MYO7B: variants seen among roughly 807,000 people sequenced by gnomAD.
The protein encoded by MYO7B is myosin VIIB.
A neutral mutation model predicts 259.7 loss-of-function variants in MYO7B; 212 were observed. The ratio of observed to expected loss-of-function variants is 0.82; its 90% CI spans 0.73 to 0.91. The LOEUF is 0.91. Among genes scored for constraint, MYO7B ranks in the 40% least tolerant of loss-of-function variants. The pLI is 0.00. For synonymous variants in MYO7B, 1,197 were observed against 1,166.4 expected (o/e 1.03, Z -0.54); for missense variants, 2,732 against 2,813.5 (o/e 0.97, Z 0.66).
intron 7 of MYO7B, among the ~76,000 whole-genome samples, chr2:127,575,534 A>G (rs934411205): frequency 6.6e-6 from 1 of 152,218 alleles, no homozygotes; most frequent in African/African-American, 2.4e-5. Flanking sequence ...GTGAAAAAAA[A>G]GGAAGTAGCA....
intron 37 of MYO7B, 70 bp from the exon 38 acceptor site, chr2:127,631,530 G>C: frequency 6.4e-7 from 1 of 1,565,948 alleles, no homozygotes; most frequent in Non-Finnish European, 8.7e-7. Context: ...GCCGGGGTCG[G>C]GGTCAGCGTC....
At chr2:127,544,175 T>G (rs1573603336) in intron 1 of MYO7B, among the ~76,000 whole-genome samples, 2 of 151,638 alleles carry the variant, frequency 1.3e-5, no homozygotes, top group South Asian at 4.2e-4. Context: ...CTCCCAGACT[T>G]AAGTGATCCT....
At chr2:127,572,955 G>T (rs1205027629) in intron 6 of MYO7B, among the ~76,000 whole-genome samples, 1 of 150,812 alleles carries the variant, frequency 6.6e-6, no homozygotes, top group Non-Finnish European at 1.5e-5. Context: ...AAAACTGCCT[G>T]CATCAGATTC....
intron 43 of MYO7B, 194 bp from the exon 44 acceptor site, chr2:127,635,528 C>T (rs1440452318): frequency 3.0e-6 from 2 of 674,814 alleles, no homozygotes; most frequent in East Asian, 2.7e-5. Context: ...AGCAGGCCAT[C>T]ACCTCCACGC....
At chr2:127,608,471 A>T (rs1019505149) in intron 21 of MYO7B, among the ~76,000 whole-genome samples, 6 of 152,176 alleles carry the variant, frequency 3.9e-5, no homozygotes, top group Non-Finnish European at 7.4e-5. Context: ...CAAGCCAGCA[A>T]CCTCACCTCT....
intron 19 of MYO7B, 106 bp from the exon 20 acceptor site, chr2:127,605,738 C>T (rs1680136664): frequency 1.1e-6 from 1 of 924,976 alleles, no homozygotes; most frequent in Admixed American, 2.3e-5. Flanking sequence ...ATTCATTTTT[C>T]CCAATATTTC....
In MYO7B at chr2:127,631,698, C is replaced by T; in HGVS notation, c.5194C>T (p.Leu1732Phe). The change falls in exon 38 of 48, where the codon CTC becomes TTC. Residue 1732 changes from leucine (L) to phenylalanine (F), a missense_variant. By Grantham distance (22) the Leu-to-Phe change is conservative (BLOSUM62 0). Around this residue, in one of 3 missense-constraint regions of MYO7B, gnomAD observed 821 missense variants for 769.3 expected, o/e 1.07. Transcript: ENST00000409816. ...CACACTGGCCCTGCAGCACCCGGCC[C>T]TCCAGGACGAGGTCTACTGCCAGAT... ...IFTLALQHPA[L>F]QDEVYCQILK... The T allele has an allele frequency of 6.2e-7, 1 of 1,613,060 alleles. No homozygotes were observed. The highest frequency in any genetic ancestry group is 8.5e-7 in the Non-Finnish European group (1 of 1,179,870).
At chr2:127,537,320 C>T (rs947454357) in intron 1 of MYO7B, among the ~76,000 whole-genome samples, 1 of 152,182 alleles carries the variant, frequency 6.6e-6, no homozygotes, top group Non-Finnish European at 1.5e-5. Flanking sequence ...AGATAACCTT[C>T]GTTTGGGCCT....
chr2:127,578,296 G>C lies in MYO7B; in HGVS notation c.1003+10G>C. The stretch of plus-strand genomic sequence containing the variant: ...AATGTGGGGTTCATGGGTAATGCCG[G>C]TTCTGCCCCAACTGCACCCTTGGGG... On this transcript the variant is annotated intron_variant, in intron 9 of 47. Coordinates refer to ENST00000409816, the MANE Select transcript of MYO7B (RefSeq NM_001393586.1). 6.2e-7 allele frequency: 1 copy of C among 1,613,476 alleles called. No individual in the cohort carries two copies. Among genetic ancestry groups the C allele is most frequent in the African/African-American group, 1.3e-5 (1 of 75,006 alleles).
chr2:127,574,873 G>A (rs1338114523), intron 7 of MYO7B, among the ~76,000 whole-genome samples: 2 of 152,182 alleles, frequency 1.3e-5, no homozygotes, highest in African/African-American at 4.8e-5. Context: ...TTTGCACTGG[G>A]CGATCATGTA....
chr2:127,591,445 G>A (rs891069668), intron 16 of MYO7B, among the ~76,000 whole-genome samples: 1 of 152,188 alleles, frequency 6.6e-6, no homozygotes, highest in Admixed American at 6.5e-5. Context: ...GCTGCTCAGG[G>A]TTCAAACCCA....
At chr2:127,605,767 C>T in intron 19 of MYO7B, 77 bp from the exon 20 acceptor site, 1 of 1,321,692 alleles carries the variant, frequency 7.6e-7, no homozygotes, top group Non-Finnish European at 1.1e-6. Flanking sequence ...TGTTCCCTTC[C>T]AAACCAGTTT....
chr2:127,536,943 G>C (rs1692804191), intron 1 of MYO7B, among the ~76,000 whole-genome samples: 2 of 152,160 alleles, frequency 1.3e-5, no homozygotes, highest in African/African-American at 4.8e-5. Context: ...TCTAGCACGG[G>C]GCTCTGTGGA....
intron 5 of MYO7B, 118 bp from the exon 6 acceptor site, chr2:127,569,671 A>C: frequency 7.6e-7 from 1 of 1,312,754 alleles, no homozygotes; most frequent in South Asian, 1.6e-5. Flanking sequence ...TCTGCAGGGG[A>C]GAGGCCATCC....
rs1315947062 is a variant in MYO7B at position 127,592,869 on chromosome 2, G to T, written c.2068G>T (p.Gly690Cys). The change falls in exon 17 of 48, where the codon GGC (glycine) becomes TGC (cysteine). Residue 690 changes from glycine (G) to cysteine (C), a missense_variant. Physicochemically the swap from Gly to Cys is radical, Grantham distance 159. Coordinates refer to ENST00000409816, the MANE Select transcript of MYO7B (RefSeq NM_001393586.1). ...MMETVHIRKS[G>C]FPIRYTFEEF... Reference sequence around the variant, plus strand: ...GGAGACCGTGCACATCCGCAAGTCGGGCTTCCCCATCCGCTACACGTTCGA... The same window carrying T: ...GGAGACCGTGCACATCCGCAAGTCGTGCTTCCCCATCCGCTACACGTTCGA... 1.2e-6 allele frequency: 2 copies of T among 1,610,316 alleles called. No individual in the cohort carries two copies. Among genetic ancestry groups the T allele is most frequent in the East Asian group, 4.5e-5 (2 of 44,776 alleles).
chr2:127,635,053 T>G (rs986497478), intron 42 of MYO7B, 67 bp from the exon 43 acceptor site: 9 of 1,282,964 alleles, frequency 7.0e-6, no homozygotes, highest in East Asian at 2.5e-5. Flanking sequence ...GTGTGGGGGG[T>G]GGCAGGGGGT....
At chr2:127,619,044 CGCTGGTTGGATTGTGGGG>C (rs1680705786) in intron 26 of MYO7B, among the ~76,000 whole-genome samples, 1 of 27,702 alleles carries the variant, frequency 3.6e-5, no homozygotes, top group East Asian at 8.6e-4. Context: ...GAATGGTGGG[CGCTGGTTGGATTGTGGGG>C]GCTGGTTGGG....
At chr2:127,547,847 A>G (rs1693295098) in intron 1 of MYO7B, among the ~76,000 whole-genome samples, 1 of 152,212 alleles carries the variant, frequency 6.6e-6, no homozygotes, top group Non-Finnish European at 1.5e-5. Context: ...AACGAGTTAG[A>G]AAGTATTTCC....
intron 27 of MYO7B, among the ~76,000 whole-genome samples, chr2:127,621,139 C>A (rs1573704710): frequency 2.0e-5 from 3 of 152,282 alleles, no homozygotes. Context: ...CACCAGTAAA[C>A]CCTTCCAGGC....
Sources: gnomAD v4.1 joint callset for allele counts (sites outside exome capture counted in the v4.1 genomes callset) on GRCh38, gnomAD v4.1.1 for gene constraint, gnomAD v4.1.1 regional missense constraint, MANE v1.5 for transcripts, NCBI Gene and HGNC (gene_info 2026-07-23, HGNC 2026-07-21) for gene names.